The following APBB2 variants were observed in gnomAD, a reference collection of about 807,000 sequenced individuals.
APBB2 encodes Fe65-like 1.
In APBB2, 38 loss-of-function variants were observed where a neutral mutation model predicts 82.5. The ratio of observed to expected loss-of-function variants is 0.46; its 90% CI spans 0.36 to 0.60. APBB2 has a LOEUF of 0.60. Ranked by LOEUF, APBB2 falls within the 20% of genes least tolerant of loss-of-function variation. The pLI is 0.00. For missense variants in APBB2, 772 were observed against 972.3 expected, an observed-to-expected ratio of 0.79 and a Z score of 2.74; for synonymous variants, 341 against 368.2, an observed-to-expected ratio of 0.93 and a Z score of 0.85.
chr4:41,162,561 T>G (rs1030425335), intron 1 of APBB2, among the ~76,000 whole-genome samples: 10 of 152,116 alleles, frequency 6.6e-5, no homozygotes, highest in African/African-American at 2.4e-4. Flanking sequence ...ATAAAATAAT[T>G]TAAGAGAACA....
chr4:41,089,520 G>C (rs184541907), intron 3 of APBB2, among the ~76,000 whole-genome samples: 1 of 151,994 alleles, frequency 6.6e-6, no homozygotes, highest in Non-Finnish European at 1.5e-5. Context: ...TAACTCCTGA[G>C]CCTGGGAGAA....
intron 12 of APBB2, among the ~76,000 whole-genome samples, chr4:40,890,035 G>C (rs1432859125): frequency 6.6e-6 from 1 of 152,122 alleles, no homozygotes; most frequent in African/African-American, 2.4e-5. Flanking sequence ...ATTTTAAAAA[G>C]ACTGCAGAGA....
intron 6 of APBB2, among the ~76,000 whole-genome samples, chr4:40,951,242 GC>G (rs1790053317): frequency 3.3e-5 from 1 of 30,104 alleles, no homozygotes; most frequent in Admixed American, 3.9e-4. Context: ...TATGTGTTAA[GC>G]TGTATGTTTA....
intron 6 of APBB2, among the ~76,000 whole-genome samples, chr4:41,004,736 C>T (rs1315500753): frequency 1.4e-5 from 2 of 145,010 alleles, no homozygotes; most frequent in East Asian, 4.4e-4. Context: ...ACTCGGGAGG[C>T]TGAGGCAGGA....
chr4:41,020,907 A>C (rs941473391), intron 5 of APBB2, among the ~76,000 whole-genome samples: 4 of 152,166 alleles, frequency 2.6e-5, no homozygotes, highest in Non-Finnish European at 5.9e-5. Context: ...TTACACTAAC[A>C]GGTCAGGGAT....
chr4:41,010,794 A>T (rs1467451041), intron 6 of APBB2, among the ~76,000 whole-genome samples: 14 of 152,264 alleles, frequency 9.2e-5, no homozygotes. Context: ...AAAGCAAAGC[A>T]TTCATAAAAC....
chr4:41,173,434 G>A lies in APBB2; in HGVS notation c.-416-30292C>T, dbSNP rs58379151. Among the ~76,000 whole-genome samples the A allele has an allele frequency of 9.5e-3, 1,452 of 152,212 alleles. 34 individuals carry two copies. Among genetic ancestry groups the A allele is most frequent in the African/African-American group, 0.033 (1,370 of 41,510 alleles). On this transcript the variant is annotated intron_variant, in intron 1 of 17. Coordinates refer to ENST00000508593, the MANE Select transcript of APBB2 (RefSeq NM_004307.2). The stretch of plus-strand genomic sequence containing the variant: ...AGAGATAACTAGACAGATTCCTATC[G>A]GCCAGGGGAGAAACTGGAGAATTCA...
At chr4:40,937,327 A>C (rs945294640) in intron 7 of APBB2, among the ~76,000 whole-genome samples, 19 of 152,238 alleles carry the variant, frequency 1.2e-4, no homozygotes, top group Admixed American at 6.5e-4. Context: ...TTTCTAAAAC[A>C]AGTACTCAGA....
At chr4:40,884,572 T>G (rs1169895290) in intron 12 of APBB2, among the ~76,000 whole-genome samples, 1 of 150,910 alleles carries the variant, frequency 6.6e-6, no homozygotes, top group Non-Finnish European at 1.5e-5. Context: ...AAGCCTGGAG[T>G]TCAAGACCAG....
chr4:40,946,711 T>G (rs372109352), intron 6 of APBB2, among the ~76,000 whole-genome samples: 3 of 151,922 alleles, frequency 2.0e-5, no homozygotes, highest in South Asian at 4.2e-4. Context: ...AAACTTGAGC[T>G]CTAAACCCAG....
chr4:40,902,592 G>A (rs112591882), intron 10 of APBB2, among the ~76,000 whole-genome samples: 5,868 of 152,218 alleles, frequency 0.039, 370 homozygotes, highest in African/African-American at 0.13. Context: ...GGAGTACAGT[G>A]ATACAATCAT....
At chr4:41,044,591 G>C (rs1381293221) in intron 4 of APBB2, among the ~76,000 whole-genome samples, 2 of 152,136 alleles carry the variant, frequency 1.3e-5, no homozygotes, top group Non-Finnish European at 2.9e-5. Context: ...TGTTCTTTAT[G>C]TCTGAAGGTC....
chr4:40,858,333 T>C (rs1761929995), intron 12 of APBB2, among the ~76,000 whole-genome samples: 1 of 151,316 alleles, frequency 6.6e-6, no homozygotes, highest in African/African-American at 2.4e-5. Flanking sequence ...ATTAGCCAAT[T>C]AACAAAGTGA....
chr4:40,994,100 A>G (rs1330734240), intron 6 of APBB2, among the ~76,000 whole-genome samples: 1 of 151,812 alleles, frequency 6.6e-6, no homozygotes, highest in East Asian at 1.9e-4. Context: ...CCATCCTGTG[A>G]ATGGTGAAGC....
At chr4:40,913,427 A>G (rs1243995139) in intron 10 of APBB2, among the ~76,000 whole-genome samples, 1 of 152,244 alleles carries the variant, frequency 6.6e-6, no homozygotes, top group Non-Finnish European at 1.5e-5. Flanking sequence ...GCCTTTGCAC[A>G]TGAGTCCACT....
rs56302731 is a variant in APBB2 at position 40,907,348 on chromosome 4, CATATAT to C, written c.1255-13943_1255-13938del. ...TTATTTAATTTAATTTAATATATTA[CATATAT>C]ATATATATATATATATATATATATA... is the stretch of plus-strand genomic sequence containing the variant. On this transcript the variant is annotated intron_variant, in intron 10 of 17. Transcript: ENST00000508593. 3.2e-3 allele frequency among the ~76,000 whole-genome samples: 314 copies of C among 97,262 alleles called. 3 individuals are homozygous for C. Among genetic ancestry groups the C allele is most frequent in the African/African-American group, 9.3e-3 (228 of 24,430 alleles). 63.8% of individuals were successfully genotyped at this position (97,262 alleles called of 152,430 possible). A position where few individuals can be genotyped will look rare whatever the true frequency, so the allele number is the denominator to read the frequency against.
intron 3 of APBB2, among the ~76,000 whole-genome samples, chr4:41,096,127 T>C (rs1743380709): frequency 6.6e-6 from 1 of 152,222 alleles, no homozygotes; most frequent in South Asian, 2.1e-4. Context: ...GTTCCAGCTC[T>C]TCAATGCAGT....
At chr4:41,019,783 T>G (rs539587432) in intron 5 of APBB2, among the ~76,000 whole-genome samples, 1 of 152,020 alleles carries the variant, frequency 6.6e-6, no homozygotes, top group Non-Finnish European at 1.5e-5. Flanking sequence ...GTGGCAGTCT[T>G]CCACTGCCGA....
At chr4:41,038,167 G>T (rs1220905164) in intron 4 of APBB2, among the ~76,000 whole-genome samples, 1 of 151,784 alleles carries the variant, frequency 6.6e-6, no homozygotes, top group Non-Finnish European at 1.5e-5. Context: ...CAGGACCACA[G>T]AGAGAGCTTG....
Sources: allele counts gnomAD v4.1 joint callset (sites outside exome capture counted in the v4.1 genomes callset), GRCh38; gene constraint gnomAD v4.1.1; transcripts MANE v1.5; gene names NCBI Gene and HGNC (gene_info 2026-07-23, HGNC 2026-07-21).